The following LRFN3 variants were observed in gnomAD, a reference collection of about 807,000 sequenced individuals.
LRFN3 encodes the protein leucine rich repeat and fibronectin type III domain containing 3, also known as leucine-rich repeat and fibronectin type-III domain-containing protein 3.
Under a neutral mutation model 23.8 loss-of-function variants are expected in LRFN3, and 8 were observed. The ratio of observed to expected loss-of-function variants is 0.34; its 90% CI spans 0.20 to 0.61. LRFN3 has a LOEUF of 0.61. Among genes scored for constraint, LRFN3 ranks in the 20% least tolerant of loss-of-function variants. LRFN3 has a pLI of 0.80. For missense variants in LRFN3, 736 were observed against 935.3 expected, an observed-to-expected ratio of 0.79 and a Z score of 2.78; for synonymous variants, 451 against 450.6, an observed-to-expected ratio of 1.00 and a Z score of -0.01.
rs368024336 is a variant in LRFN3, at chr19:35,944,560, G to A, written c.1428G>A (p.Ala476=). ...DDILVYRMIP[A]ESRSFLLTDL... ...GCCTGCCCTGCAGGATGATCCCGGC[G>A]GAGAGCCGCTCGTTCCTGCTGACGG... The change falls in exon 3 of 3, where the codon GCG becomes GCA. Residue 476 remains alanine, a synonymous_variant. Transcript: ENST00000246529. The surrounding 1 kb of genome is among the most constrained non-coding windows in gnomAD (Gnocchi z 4.5). 3.4e-6 allele frequency: 5 copies of A among 1,463,122 alleles called. No homozygotes were observed. In the Admixed American group the frequency reaches 7.4e-5, roughly 22 times the overall value. The allele number at this position is 1,463,122 out of a possible 1,614,324, so 90.6% of individuals were successfully genotyped here. A position where few individuals can be genotyped will look rare whatever the true frequency, so the allele number is the denominator to read the frequency against.
chr19:35,945,102 C>A lies in LRFN3; in HGVS notation c.*83C>A. On this transcript the variant is annotated 3_prime_UTR_variant, in exon 3 of 3. Transcript: ENST00000246529. ...CCTGTGGGACCTGGCCTCAAACTCACCAAATCGCTCATGGTTTTTAAAACT... is the reference window on the plus strand; with the variant it reads ...CCTGTGGGACCTGGCCTCAAACTCAACAAATCGCTCATGGTTTTTAAAACT... 1.3e-6 allele frequency: 1 copy of A among 783,548 alleles called. No individual in the cohort carries two copies. Among genetic ancestry groups the A allele is most frequent in the Non-Finnish European group, 1.8e-6 (1 of 544,870 alleles). The allele number at this position is 783,548 out of a possible 1,614,324, so 48.5% of individuals were successfully genotyped here.
chr19:35,940,563 G>A lies in LRFN3; in HGVS notation c.1138G>A (p.Glu380Lys). The A allele has an allele frequency of 6.2e-7, 1 of 1,612,744 alleles. No homozygotes were observed. The highest frequency in any genetic ancestry group is 8.5e-7 in the Non-Finnish European group (1 of 1,179,784). Residue 380 changes from glutamate to lysine, a missense_variant, in exon 2 of 3, where the codon GAG (glutamate) becomes AAG (lysine). By Grantham distance (56) the Glu-to-Lys change is moderately conservative. This residue lies in a region of LRFN3 where 446 missense variants were observed against 647.9 expected (regional missense o/e 0.69). Coordinates refer to ENST00000246529, the MANE Select transcript of LRFN3 (RefSeq NM_024509.2). ...NAAGEATAAV[E>K]LTVGPPPPPQ... ...AGCTGGCGAGGCCACAGCTGCTGTG[G>A]AGCTGACTGTGGGTCCCCCACCACC...
chr19:35,938,405 C>T (rs1976080289), intron 1 of LRFN3, among the ~76,000 whole-genome samples: 1 of 151,620 alleles, frequency 6.6e-6, no homozygotes, highest in Non-Finnish European at 1.5e-5. Context: ...CACTGATGCC[C>T]TCTTGATCAT....
chr19:35,938,165 G>C (rs1276519847), intron 1 of LRFN3, among the ~76,000 whole-genome samples: 2 of 151,942 alleles, frequency 1.3e-5, no homozygotes, highest in Non-Finnish European at 2.9e-5. Context: ...CTCCTCTCTA[G>C]CTTCCTCTGG....
Position 35,944,705 on chromosome 19 carries a change from C to T in LRFN3, c.1573C>T (p.Arg525Trp). ...CCGCTTCTCCACCGAACCTGCGCTG[C>T]GGCCATGCGGGGCGCCGCACGCTCC... ...CARFSTEPAL[R>W]PCGAPHAPFL... Residue 525 changes from arginine to tryptophan, a missense_variant, in exon 3 of 3, where the codon CGG becomes TGG. Arg to Trp is a moderately radical substitution (Grantham distance 101, BLOSUM62 -3). Coordinates refer to ENST00000246529, the MANE Select transcript of LRFN3 (RefSeq NM_024509.2). This position sits in a 1 kb window ranked among gnomAD's most constrained non-coding sequence, Gnocchi z 4.5. 2 of 1,603,784 alleles carry T rather than the reference C, an allele frequency of 1.2e-6. No individual in the cohort carries two copies. The highest frequency in any genetic ancestry group is 8.5e-7 in the Non-Finnish European group (1 of 1,176,268).
In LRFN3 at chr19:35,946,217, A is replaced by G. The variant is rs1312223726; in HGVS notation, c.*1198A>G. On this transcript the variant is annotated 3_prime_UTR_variant, in exon 3 of 3. Transcript: ENST00000246529. ...AGGAGGGTGCAGGACCCCTGGTCTGAGGCTGAAGCTGGAAATAGAAATGAG... is the reference window on the plus strand; with the variant it reads ...AGGAGGGTGCAGGACCCCTGGTCTGGGGCTGAAGCTGGAAATAGAAATGAG... Among the ~76,000 whole-genome samples the G allele has an allele frequency of 6.6e-6, 1 of 152,156 alleles. No individual in the cohort carries two copies. The highest frequency in any genetic ancestry group is 1.9e-4 in the East Asian group (1 of 5,174).
In LRFN3 at chr19:35,940,370, G is replaced by A. The variant is rs566479784; in HGVS notation, c.945G>A (p.Leu315=). The change falls in exon 2 of 3, where the codon CTG becomes CTA. Residue 315 remains leucine, a synonymous_variant. Transcript: ENST00000246529. The part of the protein sequence containing the change: ...LAVPAGRPAA[L]RCRAVGDPEP... Reference sequence around the variant, plus strand: ...TGCCCGCAGGTCGGCCGGCTGCCCTGCGCTGCCGGGCAGTGGGGGACCCAG... The same window carrying A: ...TGCCCGCAGGTCGGCCGGCTGCCCTACGCTGCCGGGCAGTGGGGGACCCAG... The A allele has an allele frequency of 8.3e-6, 13 of 1,569,970 alleles. No individual in the cohort carries two copies. In the East Asian group the frequency reaches 2.7e-4, roughly 33 times the overall value.
intron 1 of LRFN3, among the ~76,000 whole-genome samples, chr19:35,938,145 C>T (rs1229127161): frequency 6.6e-6 from 1 of 152,218 alleles, no homozygotes; most frequent in Non-Finnish European, 1.5e-5. Context: ...CCAGCAGCCT[C>T]TGTCCATCTC....
chr19:35,941,402 A>G (rs1021483728), intron 2 of LRFN3, among the ~76,000 whole-genome samples: 3 of 152,214 alleles, frequency 2.0e-5, no homozygotes, highest in Non-Finnish European at 4.4e-5. Context: ...AGGAGATCAA[A>G]CAGGAAAGCA....
chr19:35,944,927 C>T lies in LRFN3; in HGVS notation c.1795C>T (p.Pro599Ser). Reference sequence around the variant, plus strand: ...GGGCCCCACGCCCACGCCCGCCCCGCCCGCCCCGGAGCCCGCGGCGCTCAG... The same window carrying T: ...GGGCCCCACGCCCACGCCCGCCCCGTCCGCCCCGGAGCCCGCGGCGCTCAG... Reference protein sequence around the residue: ...ALGPTPTPAPPAPEPAALRAH... With the variant: ...ALGPTPTPAPSAPEPAALRAH... Residue 599 changes from proline to serine, a missense_variant, in exon 3 of 3, where the codon CCC becomes TCC. Pro to Ser is a moderately conservative substitution (Grantham distance 74). Transcript: ENST00000246529. This position sits in a 1 kb window ranked among gnomAD's most constrained non-coding sequence, Gnocchi z 4.5. The T allele has an allele frequency of 6.5e-7, 1 of 1,537,496 alleles. No individual in the cohort carries two copies. Among genetic ancestry groups the T allele is most frequent in the Non-Finnish European group, 8.7e-7 (1 of 1,150,648 alleles).
rs576281744 is a variant in LRFN3, at chr19:35,941,444, T to C, written c.1415+604T>C. ...GCCCAGAAACAATGAAATAAGCAGC[T>C]CTGTTAGAAAAAGAAATCAGACCAG... On this transcript the variant is annotated intron_variant, in intron 2 of 2. Transcript: ENST00000246529. 1.7e-4 allele frequency among the ~76,000 whole-genome samples: 26 copies of C among 152,194 alleles called. No individual in the cohort carries two copies. The South Asian group carries it at 5.2e-3, about 30-fold the overall frequency.
In LRFN3 at chr19:35,944,990, G is replaced by C; in HGVS notation, c.1858G>C (p.Gly620Arg). 7.1e-7 allele frequency: 1 copy of C among 1,398,660 alleles called. No individual in the cohort carries two copies. The highest frequency in any genetic ancestry group is 1.5e-5 in the African/African-American group (1 of 65,914). The allele number at this position is 1,398,660 out of a possible 1,614,324, so 86.6% of individuals were successfully genotyped here. The change falls in exon 3 of 3, where the codon GGG (glycine) becomes CGG (arginine). Residue 620 changes from glycine (G) to arginine (R), a missense_variant. Physicochemically the swap from Gly to Arg is moderately radical, Grantham distance 125. Transcript: ENST00000246529. This position sits in a 1 kb window ranked among gnomAD's most constrained non-coding sequence, Gnocchi z 4.5. ...TVVQLDCEPW[G>R]PGHEPVGP is the part of the protein sequence containing the mutation. ...GGTCCAGCTGGACTGCGAGCCCTGG[G>C]GGCCCGGCCACGAACCTGTGGGACC...
chr19:35,943,318 C>T (rs57785375), intron 2 of LRFN3, among the ~76,000 whole-genome samples: 9,749 of 151,934 alleles, frequency 0.064, 779 homozygotes, highest in African/African-American at 0.18. Flanking sequence ...GTGACAGAGC[C>T]GGAAAGAAAT....
Position 35,939,909 on chromosome 19 carries a change from G to T in LRFN3, c.484G>T (p.Asp162Tyr). Residue 162 changes from aspartate to tyrosine, a missense_variant, in exon 2 of 3, where the codon GAC (aspartate) becomes TAC (tyrosine). Physicochemically the swap from Asp to Tyr is radical, Grantham distance 160. Transcript: ENST00000246529. This position sits in a 1 kb window ranked among gnomAD's most constrained non-coding sequence, Gnocchi z 6.4. Reference sequence around the variant, plus strand: ...TTGTGCCGAGACACTGGAGGACCTCGACCTCTCCTACAACAACCTCGAGCA... The same window carrying T: ...TTGTGCCGAGACACTGGAGGACCTCTACCTCTCCTACAACAACCTCGAGCA... ...DDCAETLEDL[D>Y]LSYNNLEQLP... The T allele has an allele frequency of 6.2e-7, 1 of 1,603,138 alleles. No individual in the cohort carries two copies. The highest frequency in any genetic ancestry group is 8.5e-7 in the Non-Finnish European group (1 of 1,179,800).
At position 35,939,977 on chromosome 19, in the gene LRFN3, G is replaced by C; in HGVS notation, c.552G>C (p.Thr184=). The C allele has an allele frequency of 6.2e-7, 1 of 1,610,678 alleles. No individual in the cohort carries two copies. Among genetic ancestry groups the C allele is most frequent in the Non-Finnish European group, 8.5e-7 (1 of 1,179,878 alleles). ...EALGRLGNVN[T]LGLDHNLLAS... ...TGGGCCGCCTGGGCAACGTCAACAC[G>C]TTGGGCCTCGACCACAACCTGCTGG... The change falls in exon 2 of 3, where the codon ACG becomes ACC. Residue 184 remains threonine (T), a synonymous_variant. Coordinates refer to ENST00000246529, the MANE Select transcript of LRFN3 (RefSeq NM_024509.2). This position sits in a 1 kb window ranked among gnomAD's most constrained non-coding sequence, Gnocchi z 6.4.
chr19:35,945,910 C>A lies in LRFN3; in HGVS notation c.*891C>A, dbSNP rs891876153. On this transcript the variant is annotated 3_prime_UTR_variant, in exon 3 of 3. Coordinates refer to ENST00000246529, the MANE Select transcript of LRFN3 (RefSeq NM_024509.2). ...AAGGGGAAGACTGAAGCTGGGAGCC[C>A]CAGGGGAAGCTGGGGCAGGGACCTG... is the stretch of plus-strand genomic sequence containing the variant. The A allele has an allele frequency of 6.6e-6, 1 of 152,256 alleles. No homozygotes were observed. The highest frequency in any genetic ancestry group is 2.4e-5 in the African/African-American group (1 of 41,314). The allele number at this position is 152,256 out of a possible 1,614,324, so 9.4% of individuals were successfully genotyped here. A position where few individuals can be genotyped will look rare whatever the true frequency, so the allele number is the denominator to read the frequency against.
chr19:35,940,949 TG>T, intron 2 of LRFN3, 109 bp downstream of exon 2: 1 of 1,359,442 alleles, frequency 7.4e-7, no homozygotes, highest in Non-Finnish European at 9.5e-7. Flanking sequence ...TAAGTGATGC[TG>T]GAAGGTTCCA....
In LRFN3 at chr19:35,945,408, G is replaced by C. The variant is rs1403663353; in HGVS notation, c.*389G>C. On this transcript the variant is annotated 3_prime_UTR_variant, in exon 3 of 3. Transcript: ENST00000246529. ...GGTTGGGGGATGCTGTGGTGATCCA[G>C]ATAGCCCTGAGCCCTGCCCGCAGGG... The C allele has an allele frequency of 5.6e-6, 1 of 177,984 alleles. No homozygotes were observed. The highest frequency in any genetic ancestry group is 1.6e-4 in the East Asian group (1 of 6,294). The allele number at this position is 177,984 out of a possible 1,614,324, so 11.0% of individuals were successfully genotyped here.
In LRFN3 at chr19:35,946,529, C is replaced by T. The variant is rs1976180222; in HGVS notation, c.*1510C>T. On this transcript the variant is annotated 3_prime_UTR_variant, in exon 3 of 3. Transcript: ENST00000246529. Reference sequence around the variant, plus strand: ...AAACCTAACCAAGACTAAACAGGACCAGCAGGCAGAGGGACAGGGGGAAGA... The same window carrying T: ...AAACCTAACCAAGACTAAACAGGACTAGCAGGCAGAGGGACAGGGGGAAGA... 6.6e-6 allele frequency among the ~76,000 whole-genome samples: 1 copy of T among 151,948 alleles called. No individual in the cohort carries two copies. Among genetic ancestry groups the T allele is most frequent in the Non-Finnish European group, 1.5e-5 (1 of 67,982 alleles).
Sources: gnomAD v4.1 joint callset for allele counts (sites outside exome capture counted in the v4.1 genomes callset) on GRCh38, gnomAD v4.1.1 for gene constraint, gnomAD v4.1.1 regional missense constraint, Gnocchi (gnomAD v3.1) non-coding constraint, MANE v1.5 for transcripts, NCBI Gene and HGNC (gene_info 2026-07-23, HGNC 2026-07-21) for gene names.